MESD: variants seen among roughly 807,000 people sequenced by gnomAD.
The protein encoded by MESD is LRP chaperone MESD.
In MESD, 7 loss-of-function variants were observed where a neutral mutation model predicts 12.9. That is an observed-to-expected ratio of 0.54 (90% CI 0.31 to 1.02). The LOEUF is 1.02. Among genes scored for constraint, MESD ranks in the 50% least tolerant of loss-of-function variants. MESD has a pLI of 0.05. For synonymous variants in MESD, 126 were observed against 115.6 expected (o/e 1.09, Z -0.58); for missense variants, 342 against 296.7 (o/e 1.15, Z -1.12).
exon 5 of MESD, chr15:80,948,689 G>A (rs1209479342): frequency 6.9e-7 from 1 of 1,442,738 alleles, no homozygotes; most frequent in Non-Finnish European, 9.7e-7. Flanking sequence ...GTGTGGCTAG[G>A]CGGTACCTGG....
chr15:80,970,446 CTCT>C lies in MESD; in HGVS notation c.*288+8482_*288+8484del, dbSNP rs143657320. ...CGTGATCACTGGCAAATCCCCTTCC[CTCT>C]GGGCTCACTCACCTGTAAACTATCT... is the stretch of plus-strand genomic sequence containing the variant. On this transcript the variant is annotated intron_variant, in intron 3 of 4. Transcript: ENST00000561312. The C allele has an allele frequency of 2.0e-3, 300 of 152,348 alleles. 2 individuals carry two copies. The highest frequency in any genetic ancestry group is 6.9e-3 in the African/African-American group (285 of 41,562). The allele number at this position is 152,348 out of a possible 1,614,324, so 9.4% of individuals were successfully genotyped here.
chr15:80,959,430 G>T (rs945067451), intron 3 of MESD, among the ~76,000 whole-genome samples: 1 of 152,140 alleles, frequency 6.6e-6, no homozygotes, highest in Admixed American at 6.5e-5. Flanking sequence ...GTTTGAAAGG[G>T]CCCTGTTCCA....
chr15:80,970,086 C>G (rs1239149864), intron 3 of MESD, among the ~76,000 whole-genome samples: 1 of 152,116 alleles, frequency 6.6e-6, no homozygotes, highest in Non-Finnish European at 1.5e-5. Context: ...GAGGTGTATG[C>G]AGATTTTCAC....
rs1226768262 is a variant in MESD at position 80,982,055 on chromosome 15, A to C, written c.341T>G (p.Leu114Arg). 1 of 1,614,088 alleles carries C rather than the reference A, an allele frequency of 6.2e-7. No homozygotes were observed. Among genetic ancestry groups the C allele is most frequent in the South Asian group, 1.1e-5 (1 of 91,078 alleles). The change falls in exon 2 of 3, where the codon CTC (leucine) becomes CGC (arginine). Residue 114 changes from leucine (L) to arginine (R), a missense_variant. Transcript: ENST00000261758. ...ILKMTKKGKT[L>R]MMFVTVSGSP... ...TCCTGATACAGTGACAAACATCATG[A>C]GAGTCTTCCCTTTTTTCGTCATTTT...
intron 3 of MESD, among the ~76,000 whole-genome samples, chr15:80,958,653 T>C (rs897751217): frequency 1.3e-5 from 2 of 151,908 alleles, no homozygotes; most frequent in African/African-American, 4.8e-5. Flanking sequence ...TTTTTTCATA[T>C]CCAAACACTC....
At chr15:80,948,798 G>C (rs1413130039) in exon 5 of MESD, 3 of 1,614,158 alleles carry the variant, frequency 1.9e-6, no homozygotes, top group Non-Finnish European at 2.5e-6. Flanking sequence ...GCTTTTCAGA[G>C]CAAATGGCAT....
chr15:80,979,981 G>A (rs952453832), intron 2 of MESD, among the ~76,000 whole-genome samples: 1 of 152,220 alleles, frequency 6.6e-6, no homozygotes, highest in Non-Finnish European at 1.5e-5. Flanking sequence ...AAAAATCCTA[G>A]CCCTTGAGCT....
chr15:80,982,672 GA>G (rs1359872820), intron 1 of MESD, among the ~76,000 whole-genome samples: 1 of 152,246 alleles, frequency 6.6e-6, no homozygotes, highest in Non-Finnish European at 1.5e-5. Flanking sequence ...GTTGCCTGTA[GA>G]AGGGGGGACA....
At chr15:80,967,018 C>T (rs912985984) in intron 3 of MESD, among the ~76,000 whole-genome samples, 3 of 152,272 alleles carry the variant, frequency 2.0e-5, no homozygotes, top group East Asian at 1.9e-4. Flanking sequence ...CTTGGCCGGG[C>T]GCAGTGGCTC....
At chr15:80,952,440 T>C (rs538713642) in intron 3 of MESD, 2 of 292,662 alleles carry the variant, frequency 6.8e-6, no homozygotes, top group African/African-American at 2.2e-5. Flanking sequence ...AAAAATGCAG[T>C]TCCTCAATCA....
intron 2 of MESD, among the ~76,000 whole-genome samples, chr15:80,981,182 A>AGG (rs1902566227): frequency 6.6e-6 from 1 of 151,898 alleles, no homozygotes; most frequent in Non-Finnish European, 1.5e-5. Flanking sequence ...TCACACCTGT[A>AGG]ATCCTAGCAC....
At chr15:80,967,015 G>A (rs988518483) in intron 3 of MESD, among the ~76,000 whole-genome samples, 2 of 152,146 alleles carry the variant, frequency 1.3e-5, no homozygotes, top group Non-Finnish European at 2.9e-5. Flanking sequence ...GCCCTTGGCC[G>A]GGCGCAGTGG....
At position 80,976,561 on chromosome 15, in the gene MESD, T is replaced by C. The variant is rs1398511518; in HGVS notation, c.*2658A>G. Reference sequence around the variant, plus strand: ...AGGGTAGCCAATTAAGATATGGTTTTACAATCTATTAAACTGGTAAATGTG... The same window carrying C: ...AGGGTAGCCAATTAAGATATGGTTTCACAATCTATTAAACTGGTAAATGTG... On this transcript the variant is annotated 3_prime_UTR_variant, in exon 3 of 3. Coordinates refer to ENST00000261758, the MANE Select transcript of MESD (RefSeq NM_015154.3). 6.6e-6 allele frequency: 1 copy of C among 152,204 alleles called. No homozygotes were observed. Among genetic ancestry groups the C allele is most frequent in the Non-Finnish European group, 1.5e-5 (1 of 68,044 alleles). The allele number at this position is 152,204 out of a possible 1,614,324, so 9.4% of individuals were successfully genotyped here.
intron 2 of MESD, among the ~76,000 whole-genome samples, chr15:80,980,293 C>T (rs1273426736): frequency 1.3e-5 from 2 of 152,202 alleles, no homozygotes; most frequent in Non-Finnish European, 2.9e-5. Flanking sequence ...CTTGTCATTG[C>T]TTTTATATTT....
At chr15:80,954,423 C>G (rs1901922543) in intron 3 of MESD, among the ~76,000 whole-genome samples, 1 of 152,232 alleles carries the variant, frequency 6.6e-6, no homozygotes, top group African/African-American at 2.4e-5. Flanking sequence ...TGACCCCATC[C>G]TAGCTGTTTT....
chr15:80,957,261 C>T (rs1197656127), intron 3 of MESD, among the ~76,000 whole-genome samples: 2 of 151,758 alleles, frequency 1.3e-5, no homozygotes, highest in Non-Finnish European at 2.9e-5. Context: ...ATCTCCCTAC[C>T]ACTGCAGAAG....
At position 80,979,461 on chromosome 15, in the gene MESD, C is replaced by T; in HGVS notation, c.463G>A (p.Asp155Asn). 1 of 1,614,180 alleles carries T rather than the reference C, an allele frequency of 6.2e-7. No individual in the cohort carries two copies. The change falls in exon 3 of 3, where the codon GAC becomes AAC. Residue 155 changes from aspartate (D) to asparagine (N), a missense_variant. By Grantham distance (23) the Asp-to-Asn change is conservative. Coordinates refer to ENST00000261758, the MANE Select transcript of MESD (RefSeq NM_015154.3). ...YDVQRFIVGSDRAIFMLRDGS... is the reference protein window; with the variant it reads ...YDVQRFIVGSNRAIFMLRDGS... Reference sequence around the variant, plus strand: ...TCGCGAAGCATGAAGATAGCACGGTCTGATCCCACAATGAACCTTGGGCAG... The same window carrying T: ...TCGCGAAGCATGAAGATAGCACGGTTTGATCCCACAATGAACCTTGGGCAG...
chr15:80,967,241 G>A (rs370865152), intron 3 of MESD, among the ~76,000 whole-genome samples: 17 of 151,590 alleles, frequency 1.1e-4, no homozygotes, highest in East Asian at 7.7e-4. Context: ...GTGGTGAACC[G>A]AGATCACACC....
chr15:80,969,466 G>A (rs1324136150), intron 3 of MESD, among the ~76,000 whole-genome samples: 1 of 151,992 alleles, frequency 6.6e-6, no homozygotes, highest in Non-Finnish European at 1.5e-5. Context: ...TGGCACATGG[G>A]TCTGAGAAGA....
Sources: allele counts gnomAD v4.1 joint callset (sites outside exome capture counted in the v4.1 genomes callset), GRCh38; gene constraint gnomAD v4.1.1; transcripts MANE v1.5; gene names NCBI Gene and HGNC (gene_info 2026-07-23, HGNC 2026-07-21).